The following SLC49A3 variants were observed in gnomAD, a reference collection of about 807,000 sequenced individuals.
SLC49A3 encodes the protein solute carrier family 49 member A3.
A neutral mutation model predicts 43.8 loss-of-function variants in SLC49A3; 50 were observed. The ratio of observed to expected loss-of-function variants is 1.14; its 90% CI spans 0.91 to 1.45. SLC49A3 has a LOEUF of 1.45. Ranked by LOEUF, SLC49A3 falls within the 40% of genes most tolerant of loss-of-function variation. SLC49A3 has a pLI of 0.00. For synonymous variants in SLC49A3, 413 were observed against 352.0 expected (o/e 1.17, Z -1.94); for missense variants, 906 against 774.1 (o/e 1.17, Z -2.02).
At chr4:680,461 C>A, downstream of SLC49A3, 1 of 1,592,746 alleles carries the variant, frequency 6.3e-7, no homozygotes, top group Non-Finnish European at 8.6e-7. Flanking sequence ...TTGGCAGCCA[C>A]GGGACTGCCA....
Position 682,368 on chromosome 4 carries a change from G to A in SLC49A3, c.1270C>T (p.Leu424=). 7.5e-7 allele frequency: 1 copy of A among 1,336,582 alleles called. No individual in the cohort carries two copies. Among genetic ancestry groups the A allele is most frequent in the Middle Eastern group, 2.0e-4 (1 of 4,968 alleles). 82.8% of individuals were successfully genotyped at this position (1,336,582 alleles called of 1,614,324 possible). The part of the protein sequence containing the change: ...EDPLDWTVSL[L]LMAGLCTFFS... ...AAGGTGCACAGGCCGGCCATCAGCAGCAGAGACACTGGGGACACATAGCAC... is the reference window on the plus strand; with the variant it reads ...AAGGTGCACAGGCCGGCCATCAGCAACAGAGACACTGGGGACACATAGCAC... Residue 424 remains leucine (L), a synonymous_variant, in exon 10 of 10, where the codon CTG becomes TTG. Coordinates refer to ENST00000322224, the MANE Select transcript of SLC49A3 (RefSeq NM_032219.4).
chr4:684,715 TG>T lies in SLC49A3; in HGVS notation c.723+3del, dbSNP rs748286341. On this transcript the variant is annotated splice_donor_region_variant and intron_variant, in intron 5 of 9. Transcript: ENST00000322224. ...CCCTACCCCGGGGATCCCACGGCAC[TG>T]ACCAGCTTGAGCCCATCCAGGAACT... 72 of 1,610,038 alleles carry T rather than the reference TG, an allele frequency of 4.5e-5. No homozygotes were observed. Among genetic ancestry groups the T allele is most frequent in the Non-Finnish European group, 6.1e-5 (72 of 1,178,910 alleles).
chr4:678,560 T>G (rs1333112156), downstream of SLC49A3: 2 of 1,502,008 alleles, frequency 1.3e-6, no homozygotes, highest in East Asian at 4.9e-5. Context: ...AGGGCTGAGG[T>G]CCACCCTTCA....
downstream of SLC49A3, chr4:678,756 G>A: frequency 1.9e-6 from 3 of 1,610,312 alleles, no homozygotes; most frequent in Non-Finnish European, 2.5e-6. Flanking sequence ...AGATCCAGGA[G>A]TTCAAGGAGG....
chr4:680,020 T>C (rs1340525953), downstream of SLC49A3: 3 of 1,609,168 alleles, frequency 1.9e-6, no homozygotes, highest in South Asian at 3.3e-5. Flanking sequence ...AGCTGAGCGG[T>C]GAGCACCGGT....
Position 683,206 on chromosome 4 carries a change from T to A in SLC49A3, c.1151+4A>T. The A allele has an allele frequency of 1.2e-6, 2 of 1,612,346 alleles. No homozygotes were observed. The highest frequency in any genetic ancestry group is 1.7e-6 in the Non-Finnish European group (2 of 1,179,792). Reference sequence around the variant, plus strand: ...GGTTGCAGCAGGGGCAGATGGACACTCACCCCAGCACAAAGATCATGCCTG... The same window carrying A: ...GGTTGCAGCAGGGGCAGATGGACACACACCCCAGCACAAAGATCATGCCTG... On this transcript the variant is annotated splice_donor_region_variant and intron_variant, in intron 8 of 9. Coordinates refer to ENST00000322224, the MANE Select transcript of SLC49A3 (RefSeq NM_032219.4).
At chr4:684,370 C>G (rs1257839249) in intron 6 of SLC49A3, 113 bp downstream of exon 6, 7 of 1,436,202 alleles carry the variant, frequency 4.9e-6, no homozygotes, top group East Asian at 2.3e-5. Context: ...AGAAGGGTGT[C>G]AATGTGGCCC....
Position 685,210 on chromosome 4 carries a change from C to A in SLC49A3, c.586-354G>T, listed in dbSNP as rs112031243. On this transcript the variant is annotated intron_variant, in intron 4 of 9. Transcript: ENST00000322224. The surrounding 1 kb of genome is among the most constrained non-coding windows in gnomAD (Gnocchi z 4.3). ...AGAGGCACACGTGCATACAGACTCA[C>A]GCTCAGTACATACCCCCAAGCACAA... 2 of 373,182 alleles carry A rather than the reference C, an allele frequency of 5.4e-6. No individual in the cohort carries two copies. The highest frequency in any genetic ancestry group is 6.2e-5 in the East Asian group (1 of 16,228). The allele number at this position is 373,182 out of a possible 1,614,324, so 23.1% of individuals were successfully genotyped here.
downstream of SLC49A3, chr4:679,284 C>T (rs1212985808): frequency 6.7e-5 from 26 of 389,614 alleles, no homozygotes; most frequent in Non-Finnish European, 7.2e-5. Flanking sequence ...GGCTTTGAGG[C>T]AGCAGGCTCC....
downstream of SLC49A3, chr4:678,284 T>C (rs1419402353): frequency 2.1e-6 from 3 of 1,442,606 alleles, no homozygotes; most frequent in Admixed American, 7.3e-5. Context: ...CGGAGCAGGA[T>C]GAGGGGGTTC....
chr4:682,800 C>G lies in SLC49A3; in HGVS notation c.1242G>C (p.Glu414Asp). 5 of 1,594,976 alleles carry G rather than the reference C, an allele frequency of 3.1e-6. No homozygotes were observed. The highest frequency in any genetic ancestry group is 4.3e-6 in the Non-Finnish European group (5 of 1,168,738). ...EPSLSTCQQG[E>D]DPLDWTVSLL... ...GCTCACCTGTCCAGTCAAGTGGATC[C>G]TCCCCCTGCTGGCAGGTGGACAAGG... The change falls in exon 9 of 10, where the codon GAG (glutamate) becomes GAC (aspartate). Residue 414 changes from glutamate (E) to aspartate (D), a missense_variant. Transcript: ENST00000322224.
upstream of SLC49A3, among the ~76,000 whole-genome samples, chr4:690,347 CTCTT>C (rs748766134): frequency 3.3e-5 from 5 of 152,090 alleles, no homozygotes; most frequent in Non-Finnish European, 7.4e-5. Flanking sequence ...GGTCCTCACT[CTCTT>C]TATCTCCTCT....
downstream of SLC49A3, chr4:678,106 C>T (rs374218406): frequency 1.6e-5 from 26 of 1,594,120 alleles, no homozygotes; most frequent in Admixed American, 8.9e-5. Context: ...TGCGCACAGA[C>T]GAGCGTGGGC....
chr4:682,133 CTG>C lies in SLC49A3; in HGVS notation c.1503_1504del (p.Gly503AlafsTer41). The C allele has an allele frequency of 3.7e-6, 5 of 1,346,798 alleles. No homozygotes were observed. The highest frequency in any genetic ancestry group is 4.8e-6 in the Non-Finnish European group (5 of 1,037,546). 83.4% of individuals were successfully genotyped at this position (1,346,798 alleles called of 1,614,324 possible). Reference sequence around the variant, plus strand: ...GGCTGGGTGGGGGCTCCCGGGCCCTCTGGGGTCCTCTAGCGAGGCCCCCCTCG... The same window carrying C: ...GGCTGGGTGGGGGCTCCCGGGCCCTCGGGTCCTCTAGCGAGGCCCCCCTCG... On this transcript the variant is annotated frameshift_variant, in exon 10 of 10. Coordinates refer to ENST00000322224, the MANE Select transcript of SLC49A3 (RefSeq NM_032219.4). LOFTEE classifies it low-confidence loss of function (END_TRUNC).
At chr4:681,719 C>A (rs1410997464), downstream of SLC49A3, 47 of 176,312 alleles carry the variant, frequency 2.7e-4, no homozygotes, top group African/African-American at 1.5e-3. Flanking sequence ...CCTCCAGCGC[C>A]GCCCCGCCCC....
At chr4:687,030 C>T (rs1339870746) in intron 1 of SLC49A3, among the ~76,000 whole-genome samples, 1 of 152,222 alleles carries the variant, frequency 6.6e-6, no homozygotes, top group Non-Finnish European at 1.5e-5. Flanking sequence ...GGGGTCTCAG[C>T]TAGAACCTCT....
rs375098015 is a variant in SLC49A3, at chr4:685,421, C to T, written c.585+414G>A. Among the ~76,000 whole-genome samples the T allele has an allele frequency of 5.1e-4, 77 of 151,974 alleles. No homozygotes were observed. The highest frequency in any genetic ancestry group is 1.6e-3 in the African/African-American group (66 of 41,448). ...AGGCATAGAAACATCACACACTGGC[C>T]GGGCGCGGTGGCTCACGCCTGTCAT... On this transcript the variant is annotated intron_variant, in intron 4 of 9. Transcript: ENST00000322224. This position sits in a 1 kb window ranked among gnomAD's most constrained non-coding sequence, Gnocchi z 4.3.
At chr4:677,337 C>T (rs1170953493), downstream of SLC49A3, among the ~76,000 whole-genome samples, 1 of 152,252 alleles carries the variant, frequency 6.6e-6, no homozygotes, top group Non-Finnish European at 1.5e-5. Flanking sequence ...ACCCCAGACT[C>T]TGTGCCTGAG....
chr4:684,516 C>T lies in SLC49A3; in HGVS notation c.807G>A (p.Leu269=), dbSNP rs1488024247. 3 of 1,613,078 alleles carry T rather than the reference C, an allele frequency of 1.9e-6. No homozygotes were observed. Among genetic ancestry groups the T allele is most frequent in the African/African-American group, 1.3e-5 (1 of 74,908 alleles). Residue 269 remains leucine, a synonymous_variant, in exon 6 of 10, where the codon CTG becomes CTA. Transcript: ENST00000322224. ...GGCCGCTTGCACAGAGGATCTGCTC[C>T]AGGAGGGCTGAGAAGCTGGCAGAGA... ...IGISASFSAL[L]EQILCASGHS... is the part of the protein sequence containing the mutation.
Sources: allele counts gnomAD v4.1 joint callset (sites outside exome capture counted in the v4.1 genomes callset), GRCh38; gene constraint gnomAD v4.1.1; non-coding constraint Gnocchi (gnomAD v3.1); transcripts MANE v1.5; gene names NCBI Gene and HGNC (gene_info 2026-07-23, HGNC 2026-07-21).